FGF13: variants seen among roughly 807,000 people sequenced by gnomAD.
FGF13 encodes the protein fibroblast growth factor homologous factor 2.
Under a neutral mutation model 19.5 loss-of-function variants are expected in FGF13, and 2 were observed. That is an observed-to-expected ratio of 0.10 (90% CI 0.04 to 0.32). The LOEUF is 0.32. Among genes scored for constraint, FGF13 ranks in the 10% least tolerant of loss-of-function variants. The pLI is 1.00. For missense variants in FGF13, 113 were observed against 192.7 expected, an observed-to-expected ratio of 0.59 and a Z score of 2.45; for synonymous variants, 72 against 76.9, an observed-to-expected ratio of 0.94 and a Z score of 0.33.
rs770886161 is a variant in FGF13, at chrX:138,846,520, G to A, written c.217+10992C>T. On this transcript the variant is annotated intron_variant, in intron 3 of 6. Transcript: ENST00000436198. The stretch of plus-strand genomic sequence containing the variant: ...TCCCTGTATTTGTGGACAGACTATC[G>A]TAAAAAGGATGCCACCTCTCTCAGT... 6.3e-5 allele frequency among the ~76,000 whole-genome samples: 7 copies of A among 111,851 alleles called. No individual in the cohort carries two copies. The East Asian group carries it at 8.5e-4, about 14-fold the overall frequency.
At position 139,023,418 on chromosome X, in the gene FGF13, T is replaced by C. The variant is rs993288420; in HGVS notation, c.-112-158768A>G. 8.2e-5 allele frequency among the ~76,000 whole-genome samples: 9 copies of C among 110,152 alleles called. No individual in the cohort carries two copies. In the East Asian group the frequency reaches 8.6e-4, roughly 10 times the overall value. ...CTTGTAGGATAAAATTGGTTTCAAG[T>C]GTAAATTGTAGCAAAAAAAGAAAAG... On this transcript the variant is annotated intron_variant, in intron 1 of 2. Coordinates refer to the FGF13 transcript ENST00000421460.
intron 3 of FGF13, among the ~76,000 whole-genome samples, chrX:138,783,567 CTCA>C (rs1436992632): frequency 1.0e-5 from 1 of 98,091 alleles, no homozygotes; most frequent in African/African-American, 3.6e-5. Flanking sequence ...TGAAAAAATG[CTCA>C]TCATCACTGG....
chrX:138,937,936 A>G lies in FGF13; in HGVS notation c.-112-73286T>C, dbSNP rs149417176. 5.0e-4 allele frequency among the ~76,000 whole-genome samples: 56 copies of G among 111,601 alleles called. No homozygotes were observed. In the East Asian group the frequency reaches 0.011, roughly 22 times the overall value. On this transcript the variant is annotated intron_variant, in intron 1 of 2. Coordinates refer to the FGF13 transcript ENST00000421460. ...GAGTAGATAATCTCACTGGAGCAGG[A>G]TGTAGATGAAGGCAAGAAAGCCCAG...
At chrX:138,961,200 G>C (rs1278134787) in intron 1 of FGF13, among the ~76,000 whole-genome samples, 4 of 111,508 alleles carry the variant, frequency 3.6e-5, no homozygotes, top group Non-Finnish European at 7.5e-5. Flanking sequence ...TTTTGGTGTG[G>C]ATGTACTTTT....
rs188058167 is a variant in FGF13, at chrX:138,883,243, C to T, written c.-112-18593G>A. On this transcript the variant is annotated intron_variant, in intron 1 of 2. Coordinates refer to the FGF13 transcript ENST00000421460. Reference sequence around the variant, plus strand: ...CTATTCCTGAGATTGCAGAAGTAATCGCCTCTGATTTGGAGGTAAAGCCCA... The same window carrying T: ...CTATTCCTGAGATTGCAGAAGTAATTGCCTCTGATTTGGAGGTAAAGCCCA... Among the ~76,000 whole-genome samples, 611 of 111,882 alleles carry T rather than the reference C, an allele frequency of 5.5e-3. 5 individuals carry two copies. The highest frequency in any genetic ancestry group is 0.019 in the African/African-American group (584 of 30,790).
At chrX:138,790,262 T>A (rs140121963) in intron 3 of FGF13, among the ~76,000 whole-genome samples, 1 of 107,333 alleles carries the variant, frequency 9.3e-6, no homozygotes. Context: ...ACTAGCTATC[T>A]CTCTAGCCTC....
chrX:139,158,880 G>T (rs940230812), intron 1 of FGF13, among the ~76,000 whole-genome samples: 5 of 105,519 alleles, frequency 4.7e-5, no homozygotes, highest in Non-Finnish European at 9.5e-5. Context: ...TGGGGAGAAT[G>T]GAAGCAAGTT....
chrX:139,057,811 T>G (rs1249642910), intron 1 of FGF13, among the ~76,000 whole-genome samples: 1 of 112,452 alleles, frequency 8.9e-6, no homozygotes, highest in Non-Finnish European at 1.9e-5. Flanking sequence ...TGATGCCATT[T>G]ATATGAATAT....
At chrX:138,758,396 C>T (rs1222146349) in intron 3 of FGF13, among the ~76,000 whole-genome samples, 1 of 111,865 alleles carries the variant, frequency 8.9e-6, no homozygotes. Context: ...CCAGACACAT[C>T]CCAGCTAGAG....
At chrX:139,201,720 C>T (rs2084416706) in intron 1 of FGF13, among the ~76,000 whole-genome samples, 1 of 112,323 alleles carries the variant, frequency 8.9e-6, no homozygotes, top group Non-Finnish European at 1.9e-5. Context: ...AGACCTTGTA[C>T]CTTTCATCTC....
At chrX:138,984,520 AG>A (rs1569436025) in intron 1 of FGF13, among the ~76,000 whole-genome samples, 1 of 24,031 alleles carries the variant, frequency 4.2e-5, no homozygotes, top group African/African-American at 1.2e-4. Context: ...AGGAAGAAGA[AG>A]AGGAAGAAGA....
rs2084032333 is a variant in FGF13, at chrX:139,161,418, C to T, written c.-113+41998G>A. Among the ~76,000 whole-genome samples, 3 of 111,532 alleles carry T rather than the reference C, an allele frequency of 2.7e-5. No homozygotes were observed. The Admixed American group carries it at 2.9e-4, about 11-fold the overall frequency. ...AATGGGCAAAAGCTGGAAGCATTCC[C>T]TTTGAAAACTGGCACAAGACAATAT... On this transcript the variant is annotated intron_variant, in intron 1 of 2. Coordinates refer to the FGF13 transcript ENST00000421460.
chrX:138,703,777 C>T (rs2089969482), intron 2 of FGF13, among the ~76,000 whole-genome samples: 1 of 112,334 alleles, frequency 8.9e-6, no homozygotes. Flanking sequence ...TGCAATGGCC[C>T]GATCTCGGCT....
At chrX:138,664,082 C>T (rs922951405) in intron 3 of FGF13, among the ~76,000 whole-genome samples, 29 of 111,949 alleles carry the variant, frequency 2.6e-4, no homozygotes, top group African/African-American at 8.8e-4. Context: ...ACTACAGCAT[C>T]TTCTTAAATG....
intron 1 of FGF13, among the ~76,000 whole-genome samples, chrX:139,183,565 C>T (rs957467165): frequency 9.0e-6 from 1 of 111,383 alleles, no homozygotes; most frequent in Non-Finnish European, 1.9e-5. Flanking sequence ...GGCCTGGCAC[C>T]TCCTCCCTCT....
chrX:138,828,701 A>G (rs1468742607), intron 3 of FGF13, among the ~76,000 whole-genome samples: 1 of 111,382 alleles, frequency 9.0e-6, no homozygotes, highest in Non-Finnish European at 1.9e-5. Flanking sequence ...TGGAACAGTC[A>G]ATATTTCCAA....
intron 1 of FGF13, among the ~76,000 whole-genome samples, chrX:138,895,926 CACAT>C (rs1351560312): frequency 8.9e-6 from 1 of 111,797 alleles, no homozygotes; most frequent in East Asian, 2.8e-4. Flanking sequence ...TGCATGATAT[CACAT>C]ACATGTGAAA....
At chrX:138,702,034 G>A (rs2089950306) in intron 3 of FGF13, among the ~76,000 whole-genome samples, 1 of 111,716 alleles carries the variant, frequency 9.0e-6, no homozygotes, top group South Asian at 3.7e-4. Flanking sequence ...TGTAATCCCA[G>A]CAACTTGGGA....
intron 3 of FGF13, among the ~76,000 whole-genome samples, chrX:138,840,887 T>G (rs772487147): frequency 2.7e-4 from 30 of 111,529 alleles, no homozygotes; most frequent in African/African-American, 9.1e-4. Context: ...AGCAAGGGGT[T>G]CTTTGCATTA....
Sources: allele counts gnomAD v4.1 joint callset (sites outside exome capture counted in the v4.1 genomes callset), GRCh38; gene constraint gnomAD v4.1.1; transcripts MANE v1.5; gene names NCBI Gene and HGNC (gene_info 2026-07-23, HGNC 2026-07-21).